PABPC4L: variants seen among roughly 807,000 people sequenced by gnomAD.
PABPC4L encodes polyadenylate-binding protein 4-like.
For synonymous variants in PABPC4L, 169 were observed against 164.1 expected, an observed-to-expected ratio of 1.03 and a Z score of -0.23; for missense variants, 452 against 451.4, an observed-to-expected ratio of 1.00 and a Z score of -0.01.
downstream of PABPC4L, chr4:134,196,242 A>G (rs1729651996): frequency 6.6e-6 from 1 of 151,556 alleles, no homozygotes; most frequent in African/African-American, 2.4e-5. Context: ...TTCACTAAAA[A>G]CACAAGTAAT....
chr4:134,003,286 AT>A, the PABPC4L span, among the ~76,000 whole-genome samples: 1 of 151,752 alleles, frequency 6.6e-6, no homozygotes, highest in Non-Finnish European at 1.5e-5. Flanking sequence ...AAACACTTAC[AT>A]TTTTTCCAAC....
chr4:134,067,183 G>GT, the PABPC4L span, among the ~76,000 whole-genome samples: 6 of 151,966 alleles, frequency 3.9e-5, no homozygotes, highest in Non-Finnish European at 7.4e-5. Flanking sequence ...CGGTTGGTAG[G>GT]TTTTTTACTA....
the PABPC4L span, among the ~76,000 whole-genome samples, chr4:134,046,122 A>T: frequency 6.6e-6 from 1 of 152,070 alleles, no homozygotes; most frequent in East Asian, 1.9e-4. Context: ...CAGCATAGGG[A>T]GGACCAGCAC....
the PABPC4L span, among the ~76,000 whole-genome samples, chr4:134,092,193 T>C: frequency 9.9e-5 from 15 of 151,896 alleles, no homozygotes; most frequent in Non-Finnish European, 2.1e-4. Context: ...TCTTTATTTT[T>C]CCCACCCAAT....
chr4:134,044,508 C>A, the PABPC4L span, among the ~76,000 whole-genome samples: 3 of 152,120 alleles, frequency 2.0e-5, no homozygotes, highest in African/African-American at 7.2e-5. Context: ...TCGTGATCCA[C>A]CCGCCTCAGC....
chr4:134,092,460 A>G, the PABPC4L span, among the ~76,000 whole-genome samples: 1 of 151,906 alleles, frequency 6.6e-6, no homozygotes, highest in African/African-American at 2.4e-5. Context: ...ACCATCCTTC[A>G]AATTCCCATG....
the PABPC4L span, among the ~76,000 whole-genome samples, chr4:133,972,404 C>A: frequency 6.6e-6 from 1 of 152,068 alleles, no homozygotes; most frequent in South Asian, 2.1e-4. Context: ...TGTTATGTGT[C>A]ACACATACCC....
the PABPC4L span, among the ~76,000 whole-genome samples, chr4:134,020,324 G>A: frequency 6.6e-6 from 1 of 152,054 alleles, no homozygotes; most frequent in Non-Finnish European, 1.5e-5. Context: ...TGGAAGATGT[G>A]CTCTGCTACA....
chr4:134,161,643 A>G, the PABPC4L span, among the ~76,000 whole-genome samples: 5 of 152,292 alleles, frequency 3.3e-5, no homozygotes, highest in South Asian at 1.0e-3. Context: ...CATCAACAGC[A>G]GACTTGTCTT....
chr4:134,181,564 G>A, the PABPC4L span, among the ~76,000 whole-genome samples: 1 of 151,854 alleles, frequency 6.6e-6, no homozygotes, highest in African/African-American at 2.4e-5. Context: ...CAAATAGGAA[G>A]AGAAAAAGAC....
chr4:134,000,437 G>A, the PABPC4L span, among the ~76,000 whole-genome samples: 40 of 152,200 alleles, frequency 2.6e-4, 1 homozygote, highest in African/African-American at 8.7e-4. Context: ...AACATTTTAA[G>A]TGCCTCATAT....
chr4:134,049,781 C>G, the PABPC4L span, among the ~76,000 whole-genome samples: 4 of 152,174 alleles, frequency 2.6e-5, no homozygotes, highest in Non-Finnish European at 5.9e-5. Context: ...ATTGCTTAAT[C>G]AACATGCTGT....
the PABPC4L span, among the ~76,000 whole-genome samples, chr4:134,157,359 T>C: frequency 6.6e-6 from 1 of 151,832 alleles, no homozygotes; most frequent in East Asian, 1.9e-4. Context: ...TATAGTATCA[T>C]CTGGGTTAAG....
At chr4:134,033,780 A>G in the PABPC4L span, among the ~76,000 whole-genome samples, 1 of 151,916 alleles carries the variant, frequency 6.6e-6, no homozygotes, top group African/African-American at 2.4e-5. Flanking sequence ...AAGCTAGCTG[A>G]GGTTGGTTCA....
chr4:134,020,410 AT>A, the PABPC4L span, among the ~76,000 whole-genome samples: 1 of 152,112 alleles, frequency 6.6e-6, no homozygotes, highest in Non-Finnish European at 1.5e-5. Flanking sequence ...TTAAAGCAAA[AT>A]TAGGAATGCC....
chr4:133,989,648 G>C, the PABPC4L span, among the ~76,000 whole-genome samples: 1 of 151,938 alleles, frequency 6.6e-6, no homozygotes, highest in African/African-American at 2.4e-5. Context: ...ACGTTGTTCT[G>C]TCTTCTTCTG....
At chr4:134,079,184 C>A in the PABPC4L span, among the ~76,000 whole-genome samples, 1 of 150,952 alleles carries the variant, frequency 6.6e-6, no homozygotes, top group Non-Finnish European at 1.5e-5. Flanking sequence ...ATTGGCCAGG[C>A]TGGTCTCAAA....
rs115615965 is a variant in PABPC4L, at chr4:134,199,761, T to C, written c.*146A>G. The C allele has an allele frequency of 1.5e-3, 1,651 of 1,066,296 alleles. 21 individuals are homozygous for C. The African/African-American group carries it at 0.023, about 15-fold the overall frequency. The allele number at this position is 1,066,296 out of a possible 1,614,324, so 66.1% of individuals were successfully genotyped here. A position where few individuals can be genotyped will look rare whatever the true frequency, so the allele number is the denominator to read the frequency against. The stretch of plus-strand genomic sequence containing the variant: ...TTCCACAAAAGAAAAAAAATGGCTT[T>C]GTATAAAAAACGTTTTATCATAAAG... On this transcript the variant is annotated 3_prime_UTR_variant, in exon 2 of 2. Coordinates refer to ENST00000421491, the MANE Select transcript of PABPC4L (RefSeq NM_001114734.2).
chr4:134,011,615 G>A, the PABPC4L span, among the ~76,000 whole-genome samples: 8 of 151,980 alleles, frequency 5.3e-5, no homozygotes, highest in Admixed American at 2.0e-4. Context: ...TTATGAATAC[G>A]ATTATTTTAT....
Sources: allele counts gnomAD v4.1 joint callset (sites outside exome capture counted in the v4.1 genomes callset), GRCh38; gene constraint gnomAD v4.1.1; transcripts MANE v1.5; gene names NCBI Gene and HGNC (gene_info 2026-07-23, HGNC 2026-07-21).